PUS3: variants seen among roughly 807,000 people sequenced by gnomAD.
PUS3 encodes pseudouridine synthase 3, also known as tRNA pseudouridine(38/39) synthase.
In PUS3, 36 loss-of-function variants were observed where a neutral mutation model predicts 43.3. That is an observed-to-expected ratio of 0.83 (90% CI 0.64 to 1.10). PUS3 has a LOEUF of 1.10. Ranked by LOEUF, PUS3 falls within the 50% of genes least tolerant of loss-of-function variation. The probability of loss-of-function intolerance (pLI) is 0.00; values close to 1 mark genes in which losing one functional copy is unlikely to be tolerated. For missense variants in PUS3, 544 were observed against 589.9 expected, an observed-to-expected ratio of 0.92 and a Z score of 0.81; for synonymous variants, 183 against 199.2, an observed-to-expected ratio of 0.92 and a Z score of 0.69.
At position 125,893,583 on chromosome 11, in the gene PUS3, C is replaced by A; in HGVS notation, c.*202G>T. On this transcript the variant is annotated 3_prime_UTR_variant, in exon 4 of 4. Coordinates refer to ENST00000227474, the MANE Select transcript of PUS3 (RefSeq NM_031307.4). ...TTTTACGTTCTTTAATCGCTTAATCCTTTTGGACCGGGATAAGAGAATATT... is the reference window on the plus strand; with the variant it reads ...TTTTACGTTCTTTAATCGCTTAATCATTTTGGACCGGGATAAGAGAATATT... The A allele has an allele frequency of 2.1e-6, 1 of 466,826 alleles. No individual in the cohort carries two copies. Among genetic ancestry groups the A allele is most frequent in the Non-Finnish European group, 3.7e-6 (1 of 270,532 alleles). The allele number at this position is 466,826 out of a possible 1,614,324, so 28.9% of individuals were successfully genotyped here.
intron 1 of PUS3, chr11:125,900,192 T>A (rs1183506440): frequency 3.1e-6 from 5 of 1,614,196 alleles, no homozygotes; most frequent in Non-Finnish European, 4.2e-6. Context: ...AGGTCTGCAC[T>A]CCGTTGGGGT....
chr11:125,896,247 T>G lies in PUS3; in HGVS notation c.38A>C (p.Lys13Thr). Residue 13 changes from lysine to threonine, a missense_variant, in exon 2 of 4, where the codon AAG (lysine) becomes ACG (threonine). Lys to Thr is a moderately conservative substitution (Grantham distance 78). Transcript: ENST00000227474. ...CAGTTCTCGTACTCTTTTTAGGAGC[T>G]TCTCAGTCTGGTTTCTGTCTGTGTC... The part of the protein sequence containing the change: ...YNDTDRNQTE[K>T]LLKRVRELEQ... 3.1e-6 allele frequency: 5 copies of G among 1,613,086 alleles called. No individual in the cohort carries two copies. Among genetic ancestry groups the G allele is most frequent in the African/African-American group, 2.7e-5 (2 of 74,964 alleles).
At chr11:125,902,536 C>T (rs1182046305) in intron 1 of PUS3, among the ~76,000 whole-genome samples, 3 of 147,614 alleles carry the variant, frequency 2.0e-5, no homozygotes, top group African/African-American at 7.5e-5. Context: ...TCGCTTGAGC[C>T]CAGGAGGTAG....
rs777804568 is a variant in PUS3, at chr11:125,896,239, T to C, written c.46A>G (p.Lys16Glu). Residue 16 changes from lysine (K) to glutamate (E), a missense_variant, in exon 2 of 4, where the codon AAA becomes GAA. Physicochemically the swap from Lys to Glu is moderately conservative, Grantham distance 56. Coordinates refer to ENST00000227474, the MANE Select transcript of PUS3 (RefSeq NM_031307.4). ...TCTTGCTCCAGTTCTCGTACTCTTTTTAGGAGCTTCTCAGTCTGGTTTCTG... is the reference window on the plus strand; with the variant it reads ...TCTTGCTCCAGTTCTCGTACTCTTTCTAGGAGCTTCTCAGTCTGGTTTCTG... ...TDRNQTEKLLKRVRELEQEVQ... is the reference protein window; with the variant it reads ...TDRNQTEKLLERVRELEQEVQ... 1.2e-6 allele frequency: 2 copies of C among 1,613,596 alleles called. No individual in the cohort carries two copies. Among genetic ancestry groups the C allele is most frequent in the African/African-American group, 1.3e-5 (1 of 74,866 alleles).
chr11:125,896,172 T>A lies in PUS3; in HGVS notation c.113A>T (p.Asp38Val). ...LKKEQAKNKEDSNIRENSAGA... is the reference protein window; with the variant it reads ...LKKEQAKNKEVSNIRENSAGA... ...TGCTGAATTTTCTCTAATGTTTGAG[T>A]CCTCCTTATTTTTGGCCTGTTCCTT... The change falls in exon 2 of 4, where the codon GAC becomes GTC. Residue 38 changes from aspartate (D) to valine (V), a missense_variant. Physicochemically the swap from Asp to Val is radical, Grantham distance 152 (BLOSUM62 -3). Transcript: ENST00000227474. 1.9e-6 allele frequency: 3 copies of A among 1,614,160 alleles called. No individual in the cohort carries two copies. The highest frequency in any genetic ancestry group is 2.5e-6 in the Non-Finnish European group (3 of 1,180,016).
rs1361308883 is a variant in PUS3 at position 125,903,169 on chromosome 11, C to A, written c.-47+1G>T. 2.6e-5 allele frequency: 26 copies of A among 985,378 alleles called. No homozygotes were observed. The highest frequency in any genetic ancestry group is 3.0e-5 in the Non-Finnish European group (25 of 829,940). 61.0% of individuals were successfully genotyped at this position (985,378 alleles called of 1,614,324 possible). The stretch of plus-strand genomic sequence containing the variant: ...ACCCACTCCAAAAATCCCACACTTA[C>A]TTTCCGGCAGCCGGCCGCGCCGCGT... On this transcript the variant is annotated splice_donor_variant, in intron 1 of 3. Coordinates refer to ENST00000227474, the MANE Select transcript of PUS3 (RefSeq NM_031307.4). LOFTEE classifies it low-confidence loss of function (5UTR_SPLICE).
At chr11:125,899,495 G>C (rs760388392) in intron 1 of PUS3, 1 of 1,614,144 alleles carries the variant, frequency 6.2e-7, no homozygotes, top group Non-Finnish European at 8.5e-7. Context: ...CAGGAGAGAA[G>C]CCCAATCTAT....
chr11:125,898,039 A>G (rs1243495963), intron 1 of PUS3, among the ~76,000 whole-genome samples: 3 of 152,326 alleles, frequency 2.0e-5, no homozygotes, highest in Non-Finnish European at 4.4e-5. Flanking sequence ...ATATAGCTGG[A>G]TAACCAAGAT....
rs1944823723 is a variant in PUS3, at chr11:125,903,206, G to A, written c.-83C>T. On this transcript the variant is annotated 5_prime_UTR_variant, in exon 1 of 4. Transcript: ENST00000227474. ...CGGCCGCGCCGCGTTTCCGAGAAAG[G>A]AAGCTGTCACTGTGCGTCTTCTGCG... 3.0e-6 allele frequency: 3 copies of A among 985,350 alleles called. No homozygotes were observed. The highest frequency in any genetic ancestry group is 1.7e-5 in the African/African-American group (1 of 57,242). 61.0% of individuals were successfully genotyped at this position (985,350 alleles called of 1,614,324 possible).
At chr11:125,897,043 T>C (rs189677297) in intron 1 of PUS3, among the ~76,000 whole-genome samples, 1 of 152,318 alleles carries the variant, frequency 6.6e-6, no homozygotes, top group Admixed American at 6.5e-5. Flanking sequence ...TCTGATGTAA[T>C]GTAGATGTCA....
In PUS3 at chr11:125,893,642, T is replaced by C. The variant is rs533826596; in HGVS notation, c.*143A>G. The C allele has an allele frequency of 6.9e-5, 45 of 648,074 alleles. No homozygotes were observed. The African/African-American group carries it at 8.5e-4, about 12-fold the overall frequency. 40.1% of individuals were successfully genotyped at this position (648,074 alleles called of 1,614,324 possible). ...CTTATTAAAGCAATAACTTCCTTAA[T>C]AGGGCTTTAGTCTTTTTGCTTTTTT... On this transcript the variant is annotated 3_prime_UTR_variant, in exon 4 of 4. Coordinates refer to ENST00000227474, the MANE Select transcript of PUS3 (RefSeq NM_031307.4).
intron 1 of PUS3, chr11:125,899,745 A>G (rs772908693): frequency 2.5e-6 from 4 of 1,614,122 alleles, no homozygotes; most frequent in Non-Finnish European, 3.4e-6. Context: ...GAAAATGATC[A>G]GGATCTCTGG....
intron 1 of PUS3, chr11:125,899,786 T>A: frequency 6.2e-7 from 1 of 1,614,162 alleles, no homozygotes; most frequent in East Asian, 2.2e-5. Flanking sequence ...GAATGTACAG[T>A]TCCAGGAAGA....
chr11:125,894,009 T>G lies in PUS3; in HGVS notation c.1222A>C (p.Met408Leu). 1 of 1,614,198 alleles carries G rather than the reference T, an allele frequency of 6.2e-7. No individual in the cohort carries two copies. The highest frequency in any genetic ancestry group is 8.5e-7 in the Non-Finnish European group (1 of 1,180,032). Residue 408 changes from methionine (M) to leucine (L), a missense_variant, in exon 4 of 4, where the codon ATG (methionine) becomes CTG (leucine). By Grantham distance (15) the Met-to-Leu change is conservative (BLOSUM62 2). Transcript: ENST00000227474. ...QTSAFVEGVK[M>L]RTYKPLMDRP... ...TCCATGAGGGGCTTATATGTGCGCA[T>G]CTTCACTCCTTCTACAAAGGCACTG...
chr11:125,899,658 A>G, intron 1 of PUS3: 1 of 1,614,234 alleles, frequency 6.2e-7, no homozygotes, highest in Non-Finnish European at 8.5e-7. Flanking sequence ...ATGAAGAGAA[A>G]GGTGCTGCGC....
Position 125,893,730 on chromosome 11 carries a change from C to CTT in PUS3, c.*53_*54dup. Reference sequence around the variant, plus strand: ...TTGCAAGTAAATTTTTTTTTTTTTCCTTTTCTGTCCACCTACCATTAGGTG... The same window carrying CTT: ...TTGCAAGTAAATTTTTTTTTTTTTCCTTTTTTCTGTCCACCTACCATTAGGTG... On this transcript the variant is annotated 3_prime_UTR_variant, in exon 4 of 4. Transcript: ENST00000227474. The CTT allele has an allele frequency of 7.2e-6, 9 of 1,254,806 alleles. No individual in the cohort carries two copies. Among genetic ancestry groups the CTT allele is most frequent in the South Asian group, 5.1e-5 (2 of 38,968 alleles). 77.7% of individuals were successfully genotyped at this position (1,254,806 alleles called of 1,614,324 possible). A position where few individuals can be genotyped will look rare whatever the true frequency, so the allele number is the denominator to read the frequency against.
At chr11:125,902,748 AGCAATCGTGGTCTGTATGTAAG>A (rs373327922) in intron 1 of PUS3, among the ~76,000 whole-genome samples, 30 of 152,316 alleles carry the variant, frequency 2.0e-4, no homozygotes, top group African/African-American at 7.0e-4. Context: ...ATCACTAGAA[AGCAATCGTGGTCTGTATGTAAG>A]GCAATCCCCA....
At chr11:125,898,776 T>A (rs1591505985) in intron 1 of PUS3, among the ~76,000 whole-genome samples, 1 of 152,086 alleles carries the variant, frequency 6.6e-6, no homozygotes, top group African/African-American at 2.4e-5. Context: ...TTTTTTTTTT[T>A]TAGATCAAAT....
chr11:125,899,556 C>G (rs1275455368), intron 1 of PUS3: 1 of 1,614,180 alleles, frequency 6.2e-7, no homozygotes, highest in South Asian at 1.1e-5. Context: ...AAGCGACCTG[C>G]TCTTCCTGTG....
Sources: allele counts gnomAD v4.1 joint callset (sites outside exome capture counted in the v4.1 genomes callset), GRCh38; gene constraint gnomAD v4.1.1; transcripts MANE v1.5; gene names NCBI Gene and HGNC (gene_info 2026-07-23, HGNC 2026-07-21).